Variants in MKX observed in about 807,000 individuals in gnomAD.
MKX encodes the protein homeobox protein Mohawk.
MKX carries 13 observed loss-of-function variants against 36.0 expected under a neutral mutation model. The observed-to-expected ratio is 0.36, with a 90% CI of 0.24 to 0.57. MKX has a LOEUF of 0.57. Ranked by LOEUF, MKX falls within the 20% of genes least tolerant of loss-of-function variation. The probability of loss-of-function intolerance (pLI) is 0.79; values close to 1 mark genes in which losing one functional copy is unlikely to be tolerated. For synonymous variants in MKX, 176 were observed against 178.3 expected (o/e 0.99, Z 0.10); for missense variants, 458 against 456.4 (o/e 1.00, Z -0.03).
chr10:27,681,286 A>T (rs1836249841), intron 5 of MKX, among the ~76,000 whole-genome samples: 1 of 151,922 alleles, frequency 6.6e-6, no homozygotes, highest in Non-Finnish European at 1.5e-5. Flanking sequence ...GTCTCTACTA[A>T]AAAATACAAA....
At chr10:27,725,705 C>T (rs1023444443) in intron 5 of MKX, among the ~76,000 whole-genome samples, 1 of 151,742 alleles carries the variant, frequency 6.6e-6, no homozygotes, top group African/African-American at 2.4e-5. Context: ...AAAGAAACCA[C>T]TTCCATATTC....
Position 27,741,634 on chromosome 10 carries a change from C to T in MKX, c.189-130G>A. The T allele has an allele frequency of 1.8e-6, 2 of 1,088,564 alleles. No homozygotes were observed. The highest frequency in any genetic ancestry group is 2.5e-6 in the Non-Finnish European group (2 of 790,434). The allele number at this position is 1,088,564 out of a possible 1,614,324, so 67.4% of individuals were successfully genotyped here. On this transcript the variant is annotated intron_variant, in intron 2 of 6. Coordinates refer to ENST00000419761, the MANE Select transcript of MKX (RefSeq NM_173576.3). This position sits in a 1 kb window ranked among gnomAD's most constrained non-coding sequence, Gnocchi z 5.1. The stretch of plus-strand genomic sequence containing the variant: ...CTGCCTTGCGCCCCTGCTTTGCGCG[C>T]GCCCAGAGTGTTTGGGAGAGGCAGG...
intron 1 of MKX, among the ~76,000 whole-genome samples, chr10:27,743,830 G>A (rs1198403708): frequency 1.3e-5 from 2 of 152,180 alleles, no homozygotes; most frequent in East Asian, 3.9e-4. Flanking sequence ...TTGAATCTGG[G>A]AGAGGCATAC....
intron 5 of MKX, among the ~76,000 whole-genome samples, chr10:27,687,284 G>A (rs1007621910): frequency 5.9e-5 from 9 of 152,322 alleles, no homozygotes; most frequent in African/African-American, 1.7e-4. Flanking sequence ...GATTACAGGC[G>A]TGAGCCATTG....
Position 27,735,284 on chromosome 10 carries a change from T to C in MKX, c.439A>G (p.Asn147Asp), listed in dbSNP as rs1834730963. ...TCAGCATTGCCTTGAACATACTTGTTGTATAACTTTATTCTCAAAGCCCAG... is the reference window on the plus strand; with the variant it reads ...TCAGCATTGCCTTGAACATACTTGTCGTATAACTTTATTCTCAAAGCCCAG... The part of the protein sequence containing the change: ...LSWALRIKLY[N>D]KYVQGNAERL... The change falls in exon 4 of 7, where the codon AAC (asparagine) becomes GAC (aspartate). Residue 147 changes from asparagine to aspartate, a missense_variant. Asn to Asp is a conservative substitution (Grantham distance 23). Transcript: ENST00000419761. The C allele has an allele frequency of 2.5e-6, 4 of 1,613,916 alleles. No individual in the cohort carries two copies. The highest frequency in any genetic ancestry group is 3.4e-6 in the Non-Finnish European group (4 of 1,179,912).
intron 5 of MKX, among the ~76,000 whole-genome samples, chr10:27,700,326 TAAAC>T (rs1836628438): frequency 6.6e-6 from 1 of 152,190 alleles, no homozygotes; most frequent in Non-Finnish European, 1.5e-5. Flanking sequence ...AACTGTCACT[TAAAC>T]AAAATAACTT....
intron 5 of MKX, among the ~76,000 whole-genome samples, chr10:27,683,209 G>C (rs1030085852): frequency 2.1e-4 from 32 of 152,072 alleles, no homozygotes; most frequent in African/African-American, 6.5e-4. Context: ...GCCCGGGGAT[G>C]GGGGGGCCCC....
intron 5 of MKX, among the ~76,000 whole-genome samples, chr10:27,715,609 G>C (rs952392378): frequency 1.3e-5 from 2 of 152,098 alleles, no homozygotes; most frequent in Non-Finnish European, 2.9e-5. Flanking sequence ...AGGATAATAA[G>C]GTACCTACTT....
chr10:27,714,583 A>G (rs1396982222), intron 5 of MKX, among the ~76,000 whole-genome samples: 1 of 152,178 alleles, frequency 6.6e-6, no homozygotes, highest in Non-Finnish European at 1.5e-5. Context: ...CAGTGATTTC[A>G]GTTATATTTT....
At chr10:27,691,329 GA>G (rs1380219499) in intron 5 of MKX, among the ~76,000 whole-genome samples, 3 of 152,146 alleles carry the variant, frequency 2.0e-5, no homozygotes, top group Non-Finnish European at 2.9e-5. Context: ...TGTTGAGGGT[GA>G]AGGGGCTACC....
chr10:27,725,453 C>T (rs1834468057), intron 5 of MKX, among the ~76,000 whole-genome samples: 1 of 151,840 alleles, frequency 6.6e-6, no homozygotes, highest in Non-Finnish European at 1.5e-5. Context: ...TTTTCACTTC[C>T]TCAAAACTCA....
At chr10:27,706,328 T>C (rs2132534592) in intron 5 of MKX, among the ~76,000 whole-genome samples, 1 of 152,316 alleles carries the variant, frequency 6.6e-6, no homozygotes, top group East Asian at 1.9e-4. Flanking sequence ...TTATAAATAA[T>C]GCTGCTACAA....
In MKX at chr10:27,743,266, G is replaced by A. The variant is rs762354369; in HGVS notation, c.150C>T (p.Pro50=). The A allele has an allele frequency of 1.3e-6, 2 of 1,546,666 alleles. No individual in the cohort carries two copies. Among genetic ancestry groups the A allele is most frequent in the Admixed American group, 2.1e-5 (1 of 48,034 alleles). The change falls in exon 2 of 7, where the codon CCC becomes CCT. Residue 50 remains proline, a synonymous_variant. Transcript: ENST00000419761. ...GTCTCAGGCCGAGGTTGTCCTTGAG[G>A]GGCGGGCCGTCGGGAATGCCCACCT... ...RPEVGIPDGP[P]LKDNLGLRHR...
rs1834914597 is a variant in MKX at position 27,742,219 on chromosome 10, G to C, written c.189-715C>G. ...AGACCTCAGGAAAAGCACATTCAAAGGGGGAGGAGGCAGAGGCAGCCAGGA... is the reference window on the plus strand; with the variant it reads ...AGACCTCAGGAAAAGCACATTCAAACGGGGAGGAGGCAGAGGCAGCCAGGA... On this transcript the variant is annotated intron_variant, in intron 2 of 6. Transcript: ENST00000419761. This position sits in a 1 kb window ranked among gnomAD's most constrained non-coding sequence, Gnocchi z 4.2. Among the ~76,000 whole-genome samples, 1 of 150,980 alleles carries C rather than the reference G, an allele frequency of 6.6e-6. No homozygotes were observed. Among genetic ancestry groups the C allele is most frequent in the East Asian group, 1.9e-4 (1 of 5,138 alleles).
intron 5 of MKX, among the ~76,000 whole-genome samples, chr10:27,702,736 A>G (rs1836679804): frequency 1.3e-5 from 2 of 152,156 alleles, no homozygotes; most frequent in Non-Finnish European, 2.9e-5. Context: ...GAAGACTTAC[A>G]GCTGAATCAA....
chr10:27,732,081 T>C (rs1023887578), intron 5 of MKX, among the ~76,000 whole-genome samples: 5 of 152,218 alleles, frequency 3.3e-5, no homozygotes, highest in Admixed American at 6.5e-5. Flanking sequence ...TATTACATTA[T>C]AAATATTTCT....
intron 5 of MKX, among the ~76,000 whole-genome samples, chr10:27,689,438 C>T (rs1223752400): frequency 6.6e-6 from 1 of 152,190 alleles, no homozygotes; most frequent in East Asian, 1.9e-4. Context: ...TGGGTTCACA[C>T]ATTTCTATGT....
At chr10:27,701,824 T>C (rs1836662800) in intron 5 of MKX, among the ~76,000 whole-genome samples, 1 of 27,468 alleles carries the variant, frequency 3.6e-5, no homozygotes, top group South Asian at 1.7e-3. Context: ...TGTGTGTGTG[T>C]GTGTATATAT....
chr10:27,690,255 C>T (rs1433660861), intron 5 of MKX, among the ~76,000 whole-genome samples: 1 of 146,528 alleles, frequency 6.8e-6, no homozygotes, highest in Admixed American at 7.0e-5. Context: ...CCTGTAATCC[C>T]AGCTACTCAG....
Sources: gnomAD v4.1 joint callset for allele counts (sites outside exome capture counted in the v4.1 genomes callset) on GRCh38, gnomAD v4.1.1 for gene constraint, Gnocchi (gnomAD v3.1) non-coding constraint, MANE v1.5 for transcripts, NCBI Gene and HGNC (gene_info 2026-07-23, HGNC 2026-07-21) for gene names.